DDB1: variants seen among roughly 807,000 people sequenced by gnomAD.
The protein encoded by DDB1 is damage specific DNA binding protein 1.
In DDB1, 18 loss-of-function variants were observed where a neutral mutation model predicts 133.1. That is an observed-to-expected ratio of 0.14 (90% CI 0.09 to 0.20). The LOEUF is 0.20. Ranked by LOEUF, DDB1 falls within the 10% of genes least tolerant of loss-of-function variation. The pLI is 1.00. For missense variants in DDB1, 828 were observed against 1,459.2 expected (o/e 0.57, Z 7.05); for synonymous variants, 580 against 550.5 (o/e 1.05, Z -0.75).
In DDB1 at chr11:61,302,742, G is replaced by A; in HGVS notation, c.2952C>T (p.Thr984=). ...GGAGGTGCTGCCGCTCCTCGTCAGT[G>A]GTGGCAGCGCTGAAAGGCGGTAAGA... is the stretch of plus-strand genomic sequence containing the variant. ...LFVCQKDSAA[T]TDEERQHLQE... is the part of the protein sequence containing the mutation. The change falls in exon 24 of 27, where the codon ACC becomes ACT. Residue 984 remains threonine, a synonymous_variant. Coordinates refer to ENST00000301764, the MANE Select transcript of DDB1 (RefSeq NM_001923.5). 6.2e-7 allele frequency: 1 copy of A among 1,614,192 alleles called. No homozygotes were observed. The highest frequency in any genetic ancestry group is 1.3e-5 in the African/African-American group (1 of 75,054).
intron 26 of DDB1, 30 bp from the exon 27 acceptor site, chr11:61,300,249 G>A: frequency 6.2e-7 from 1 of 1,606,498 alleles, no homozygotes; most frequent in Non-Finnish European, 8.5e-7. Flanking sequence ...GGGGCTGTGA[G>A]GACCAAGAGG....
chr11:61,307,732 A>C (rs1855900190), intron 21 of DDB1, among the ~76,000 whole-genome samples: 1 of 152,190 alleles, frequency 6.6e-6, no homozygotes, highest in Non-Finnish European at 1.5e-5. Flanking sequence ...ATAACCACTG[A>C]AACTGAGTAT....
intron 21 of DDB1, among the ~76,000 whole-genome samples, chr11:61,306,209 A>G (rs1184563268): frequency 6.6e-6 from 1 of 152,182 alleles, no homozygotes; most frequent in African/African-American, 2.4e-5. Flanking sequence ...ATGGACAGCC[A>G]CTTCTCTGGG....
At chr11:61,318,110 T>C (rs1316126542) in intron 10 of DDB1, among the ~76,000 whole-genome samples, 1 of 152,244 alleles carries the variant, frequency 6.6e-6, no homozygotes, top group Non-Finnish European at 1.5e-5. Context: ...TATCATGCAC[T>C]ATTTGGCACC....
At chr11:61,320,900 T>TG (rs1856167128) in intron 10 of DDB1, among the ~76,000 whole-genome samples, 3 of 151,800 alleles carry the variant, frequency 2.0e-5, no homozygotes, top group Admixed American at 2.0e-4. Flanking sequence ...TTTTTTTTTT[T>TG]GGTGACACAA....
chr11:61,321,511 T>A lies in DDB1; in HGVS notation c.1225+84A>T. ...TTCACTTGATCTGCTTTCCTCTGGC[T>A]CCCACCAAAACGCCTTCACAACATG... On this transcript the variant is annotated intron_variant, in intron 10 of 26. Transcript: ENST00000301764. 5.7e-6 allele frequency: 7 copies of A among 1,218,876 alleles called. No homozygotes were observed. In the South Asian group the frequency reaches 8.6e-5, roughly 15 times the overall value. 75.5% of individuals were successfully genotyped at this position (1,218,876 alleles called of 1,614,324 possible).
chr11:61,309,167 C>T (rs985174275), intron 20 of DDB1, 90 bp from the exon 21 acceptor site: 44 of 1,270,270 alleles, frequency 3.5e-5, no homozygotes, highest in Non-Finnish European at 4.9e-5. Context: ...GGTACAAATT[C>T]TTGCCCCCCA....
chr11:61,302,934 A>G (rs56272912), intron 23 of DDB1, 112 bp downstream of exon 23: 3 of 1,292,150 alleles, frequency 2.3e-6, no homozygotes, highest in East Asian at 2.3e-5. Flanking sequence ...GGAAAGTTCT[A>G]TCTCTGTAAA....
At chr11:61,323,387 C>A (rs1354799511) in intron 7 of DDB1, 1 of 373,154 alleles carries the variant, frequency 2.7e-6, no homozygotes, top group East Asian at 5.0e-5. Context: ...AGCCTCCTCC[C>A]AGAACTGAAA....
In DDB1 at chr11:61,313,695, C is replaced by T. The variant is rs752658476; in HGVS notation, c.1873G>A (p.Asp625Asn). 25 of 1,610,530 alleles carry T rather than the reference C, an allele frequency of 1.6e-5. No individual in the cohort carries two copies. The highest frequency in any genetic ancestry group is 1.7e-4 in the Middle Eastern group (1 of 6,050). ...GLNIETGLLS[D>N]RKKVTLGTQP... The stretch of plus-strand genomic sequence containing the variant: ...GTGCCCAAAGTCACCTTCTTACGGT[C>T]GCTCAACAGACCTACAGAGAGAATG... Residue 625 changes from aspartate to asparagine, a missense_variant, in exon 16 of 27, where the codon GAC (aspartate) becomes AAC (asparagine). Asp to Asn is a conservative substitution (Grantham distance 23, BLOSUM62 1). Coordinates refer to ENST00000301764, the MANE Select transcript of DDB1 (RefSeq NM_001923.5).
chr11:61,303,224 G>T, intron 22 of DDB1, 69 bp from the exon 23 acceptor site: 2 of 1,441,690 alleles, frequency 1.4e-6, no homozygotes, highest in Non-Finnish European at 1.9e-6. Context: ...TCTGGGACTT[G>T]TGTTTCCTTT....
rs2134904300 is a variant in DDB1, at chr11:61,309,968, G to A, written c.2402-8C>T. The A allele has an allele frequency of 6.2e-7, 1 of 1,614,200 alleles. No homozygotes were observed. Among genetic ancestry groups the A allele is most frequent in the African/African-American group, 1.3e-5 (1 of 75,056 alleles). ...ACTGGTGGGCATGAAGCACTAGAGAGTAGAGAGATGACTACGTGATGACAG... is the reference window on the plus strand; with the variant it reads ...ACTGGTGGGCATGAAGCACTAGAGAATAGAGAGATGACTACGTGATGACAG... On this transcript the variant is annotated splice_region_variant and splice_polypyrimidine_tract_variant and intron_variant, in intron 19 of 26. Transcript: ENST00000301764.
At chr11:61,316,988 T>G (rs181865340) in intron 10 of DDB1, among the ~76,000 whole-genome samples, 32 of 77,120 alleles carry the variant, frequency 4.1e-4, no homozygotes, top group South Asian at 8.4e-4. Context: ...TATATATATA[T>G]ATATATATAT....
intron 4 of DDB1, among the ~76,000 whole-genome samples, chr11:61,328,260 C>T (rs1856300598): frequency 6.6e-6 from 1 of 152,212 alleles, no homozygotes; most frequent in Non-Finnish European, 1.5e-5. Flanking sequence ...CCAATAGCTT[C>T]AGAACTACAG....
rs146394965 is a variant in DDB1, at chr11:61,299,796, T to TAC, written c.*338_*339dup. On this transcript the variant is annotated 3_prime_UTR_variant, in exon 27 of 27. Transcript: ENST00000301764. ...TGAGATACACATACACACACACACA[T>TAC]ACACACACACACACGCACAGCTTCC... 7.7e-4 allele frequency: 282 copies of TAC among 368,374 alleles called. No homozygotes were observed. The highest frequency in any genetic ancestry group is 3.9e-3 in the African/African-American group (185 of 47,608). The allele number at this position is 368,374 out of a possible 1,614,324, so 22.8% of individuals were successfully genotyped here.
At position 61,309,800 on chromosome 11, in the gene DDB1, C is replaced by A; in HGVS notation, c.2562G>T (p.Ser854=). 6.2e-7 allele frequency: 1 copy of A among 1,612,444 alleles called. No homozygotes were observed. Among genetic ancestry groups the A allele is most frequent in the East Asian group, 2.2e-5 (1 of 44,870 alleles). Reference sequence around the variant, plus strand: ...CTGGAGACTGCGCCCACTTACCATCCGAATACTGAAAGACCACAATGCGAC... The same window carrying A: ...CTGGAGACTGCGCCCACTTACCATCAGAATACTGAAAGACCACAATGCGAC... The part of the protein sequence containing the change: ...KQGRIVVFQY[S]DGKLQTVAEK... Residue 854 remains serine (S), a synonymous_variant, in exon 20 of 27, where the codon TCG becomes TCT. Transcript: ENST00000301764.
intron 25 of DDB1, chr11:61,301,993 C>T (rs997110493): frequency 1.9e-5 from 6 of 323,950 alleles, no homozygotes; most frequent in Admixed American, 1.2e-4. Context: ...GGGCCAGAGG[C>T]GGACACATTT....
chr11:61,309,637 T>C (rs1019587887), intron 20 of DDB1, among the ~76,000 whole-genome samples, 159 bp downstream of exon 20: 5 of 152,080 alleles, frequency 3.3e-5, no homozygotes, highest in African/African-American at 1.2e-4. Flanking sequence ...ACTGTTCACA[T>C]GCTCCAAAAT....
chr11:61,327,807 T>C (rs1856293420), intron 4 of DDB1, among the ~76,000 whole-genome samples: 1 of 152,234 alleles, frequency 6.6e-6, no homozygotes, highest in Non-Finnish European at 1.5e-5. Context: ...AAAGAAGTTA[T>C]GGAAGGAATT....
Sources: gnomAD v4.1 joint callset for allele counts (sites outside exome capture counted in the v4.1 genomes callset) on GRCh38, gnomAD v4.1.1 for gene constraint, MANE v1.5 for transcripts, NCBI Gene and HGNC (gene_info 2026-07-23, HGNC 2026-07-21) for gene names.